The following LHX3 variants were observed in gnomAD, a reference collection of about 807,000 sequenced individuals.
LHX3 encodes LIM homeobox 3, also known as LIM/homeobox protein Lhx3.
A neutral mutation model predicts 32.4 loss-of-function variants in LHX3; 21 were observed. That is an observed-to-expected ratio of 0.65 (90% confidence interval 0.46 to 0.93). The LOEUF is 0.93. Ranked by LOEUF, LHX3 falls within the 40% of genes least tolerant of loss-of-function variation. LHX3 has a pLI of 0.00. For synonymous variants in LHX3, 258 were observed against 246.8 expected (o/e 1.05, Z -0.43); for missense variants, 626 against 560.0 (o/e 1.12, Z -1.19).
chr9:136,198,856 T>C (rs1831562232), intron 4 of LHX3, 36 bp from the exon 5 acceptor site: 2 of 1,595,664 alleles, frequency 1.3e-6, no homozygotes, highest in Non-Finnish European at 1.7e-6. Flanking sequence ...CGCCCGGCTC[T>C]GCGGGGGCCC....
chr9:136,198,776 C>A lies in LHX3; in HGVS notation c.651G>T (p.Lys217Asn). The part of the protein sequence containing the change: ...NRRAKEKRLK[K>N]DAGRQRWGQY... ...GCCCCCAGCGCTGCCGGCCGGCGTC[C>A]TTCTTCAGCCTCTTCTCCTTGGCCC... The change falls in exon 5 of 6, where the codon AAG becomes AAT. Residue 217 changes from lysine (K) to asparagine (N), a missense_variant. By Grantham distance (94) the Lys-to-Asn change is moderately conservative. Transcript: ENST00000371748. 1 of 1,610,868 alleles carries A rather than the reference C, an allele frequency of 6.2e-7. No homozygotes were observed. Among genetic ancestry groups the A allele is most frequent in the Non-Finnish European group, 8.5e-7 (1 of 1,179,690 alleles).
At chr9:136,203,313 C>T (rs2131040369) in intron 1 of LHX3, 1 of 230,180 alleles carries the variant, frequency 4.3e-6, no homozygotes, top group East Asian at 1.8e-4. Context: ...CTGCGGTGCC[C>T]AGAGGCCGCC....
Position 136,198,802 on chromosome 9 carries a change from G to T in LHX3, c.625C>A (p.Arg209=). 1.2e-6 allele frequency: 2 copies of T among 1,609,030 alleles called. No homozygotes were observed. The highest frequency in any genetic ancestry group is 2.7e-5 in the African/African-American group (2 of 74,954). ...TTCTTCAGCCTCTTCTCCTTGGCCC[G>T]GCGGTTCTGGAACCAAACCTGGGGG... ...RVVQVWFQNR[R]AKEKRLKKDA... is the part of the protein sequence containing the mutation. The change falls in exon 5 of 6, where the codon CGG becomes AGG. Residue 209 remains arginine, a synonymous_variant. Coordinates refer to ENST00000371748, the MANE Select transcript of LHX3 (RefSeq NM_178138.6).
chr9:136,200,688 G>A lies in LHX3; in HGVS notation c.145C>T (p.Arg49Cys), dbSNP rs781049722. 1.5e-5 allele frequency: 25 copies of A among 1,613,460 alleles called. 1 individual carries two copies. Among genetic ancestry groups the A allele is most frequent in the Admixed American group, 3.3e-5 (2 of 60,012 alleles). The change falls in exon 2 of 6, where the codon CGC (arginine) becomes TGC (cysteine). Residue 49 changes from arginine (R) to cysteine (C), a missense_variant. Arg to Cys is a radical substitution (Grantham distance 180, BLOSUM62 -3). Transcript: ENST00000371748. ...TTGAGACACTTGCTGTGCCAGTGGCGGTCCAGAGCCTTGAGGATGAAGCGG... is the reference window on the plus strand; with the variant it reads ...TTGAGACACTTGCTGTGCCAGTGGCAGTCCAGAGCCTTGAGGATGAAGCGG... ...LDRFILKALD[R>C]HWHSKCLKCS... is the part of the protein sequence containing the mutation.
Position 136,196,984 on chromosome 9 carries a change from G to A in LHX3, c.*341C>T, listed in dbSNP as rs988814254. ...AGATGAAAGCGTTTTTCCAGCCCTC[G>A]GGCTATGCTGGGCTGGGCTGGGCCT... On this transcript the variant is annotated 3_prime_UTR_variant, in exon 6 of 6. Coordinates refer to ENST00000371748, the MANE Select transcript of LHX3 (RefSeq NM_178138.6). 8 of 381,828 alleles carry A rather than the reference G, an allele frequency of 2.1e-5. No individual in the cohort carries two copies. The highest frequency in any genetic ancestry group is 1.4e-4 in the African/African-American group (7 of 48,468). The allele number at this position is 381,828 out of a possible 1,614,324, so 23.7% of individuals were successfully genotyped here.
At chr9:136,204,064 G>C (rs985963047) in intron 1 of LHX3, among the ~76,000 whole-genome samples, 6 of 152,240 alleles carry the variant, frequency 3.9e-5, no homozygotes, top group African/African-American at 1.4e-4. Flanking sequence ...CACAGGAAGG[G>C]TTGGGGGACC....
Position 136,198,980 on chromosome 9 carries a change from G to A in LHX3, c.534C>T (p.Thr178=), listed in dbSNP as rs564712080. 45 of 1,593,872 alleles carry A rather than the reference G, an allele frequency of 2.8e-5. 1 individual carries two copies. The Admixed American group carries it at 5.9e-4, about 21-fold the overall frequency. ...QLETLKSAYN[T]SPKPARHVRE... ...GCACGTGGCGCGCCGGCTTGGGCGA[G>A]GTGTTGTAAGCGCTCTTCAGCGTCT... The change falls in exon 4 of 6, where the codon ACC becomes ACT. Residue 178 remains threonine (T), a synonymous_variant. Transcript: ENST00000371748.
chr9:136,203,728 C>T (rs1490868438), intron 1 of LHX3, among the ~76,000 whole-genome samples: 2 of 152,346 alleles, frequency 1.3e-5, no homozygotes, highest in African/African-American at 4.8e-5. Flanking sequence ...GCTCTGTGTC[C>T]TGGACACGCA....
chr9:136,201,993 C>T (rs1831650913), intron 1 of LHX3, among the ~76,000 whole-genome samples: 1 of 151,924 alleles, frequency 6.6e-6, no homozygotes, highest in Admixed American at 6.6e-5. Flanking sequence ...CAGCCCACCC[C>T]GCGCCGCGCC....
intron 3 of LHX3, 152 bp downstream of exon 3, chr9:136,199,526 C>A (rs1201645098): frequency 1.7e-5 from 14 of 835,204 alleles, no homozygotes; most frequent in South Asian, 1.1e-4. Flanking sequence ...CCGCCGTTCC[C>A]GGCCTCGGCT....
chr9:136,200,921 C>T (rs992913893), intron 1 of LHX3, among the ~76,000 whole-genome samples, 168 bp from the exon 2 acceptor site: 1 of 152,204 alleles, frequency 6.6e-6, no homozygotes, highest in East Asian at 1.9e-4. Flanking sequence ...AGTGGCCCCG[C>T]AAGTTCCGGG....
At chr9:136,201,812 G>A in intron 1 of LHX3, 1 of 628,054 alleles carries the variant, frequency 1.6e-6, no homozygotes, top group Non-Finnish European at 2.0e-6. Context: ...GCGGAGCGTC[G>A]AGGACCCGCT....
chr9:136,204,819 C>G, intron 1 of LHX3, 115 bp downstream of exon 1: 1 of 859,772 alleles, frequency 1.2e-6, no homozygotes. Flanking sequence ...TCTCTGTGTC[C>G]CGCCTGCAGA....
At chr9:136,200,963 C>G (rs954898888) in intron 1 of LHX3, among the ~76,000 whole-genome samples, 5 of 152,170 alleles carry the variant, frequency 3.3e-5, no homozygotes, top group Admixed American at 2.0e-4. Context: ...ATGTCAGGAG[C>G]TAAGGGGAAA....
rs756648253 is a variant in LHX3 at position 136,197,623 on chromosome 9, C to A, written c.896G>T (p.Gly299Val). The A allele has an allele frequency of 6.4e-7, 1 of 1,573,610 alleles. No individual in the cohort carries two copies. Among genetic ancestry groups the A allele is most frequent in the Non-Finnish European group, 8.6e-7 (1 of 1,161,086 alleles). Residue 299 changes from glycine (G) to valine (V), a missense_variant, in exon 6 of 6, where the codon GGC (glycine) becomes GTC (valine). Coordinates refer to ENST00000371748, the MANE Select transcript of LHX3 (RefSeq NM_178138.6). ...ALGNFSLEHG[G>V]LAGPEQYREL... ...TCGGTACTGCTCTGGGCCTGCCAGG[C>A]CTCCATGCTCCAGGGAGAAGTTGCC...
At position 136,198,626 on chromosome 9, in the gene LHX3, C is replaced by A. The variant is rs1182285756; in HGVS notation, c.775+26G>T. 13 of 1,560,154 alleles carry A rather than the reference C, an allele frequency of 8.3e-6. No homozygotes were observed. In the Middle Eastern group the frequency reaches 7.3e-4, roughly 88 times the overall value. ...CCCGCCGACGCGCGCTCGTCCCCCCCCGAGCTCCGCGATCCCTCCGCCTAC... is the reference window on the plus strand; with the variant it reads ...CCCGCCGACGCGCGCTCGTCCCCCCACGAGCTCCGCGATCCCTCCGCCTAC... On this transcript the variant is annotated intron_variant, in intron 5 of 5. Transcript: ENST00000371748.
At chr9:136,203,299 G>T (rs1831692088) in intron 1 of LHX3, 1 of 297,572 alleles carries the variant, frequency 3.4e-6, no homozygotes, top group African/African-American at 2.3e-5. Flanking sequence ...CTTTGCGCCG[G>T]GACCTGCGGT....
At chr9:136,197,956 T>C (rs1392164137) in intron 5 of LHX3, among the ~76,000 whole-genome samples, 1 of 152,144 alleles carries the variant, frequency 6.6e-6, no homozygotes, top group Non-Finnish European at 1.5e-5. Context: ...GTCTCAGGCC[T>C]GGTGGGATCA....
chr9:136,199,745 G>T lies in LHX3; in HGVS notation c.387C>A (p.Asp129Glu). ...GGCTGTCCTCCATGAGGTAGAACTC[G>T]TCGCCCGTGGCCAGCTGCCGCTTGC... The part of the protein sequence containing the change: ...VVCKRQLATG[D>E]EFYLMEDSRL... Residue 129 changes from aspartate to glutamate, a missense_variant, in exon 3 of 6, where the codon GAC becomes GAA. Asp to Glu is a conservative substitution (Grantham distance 45, BLOSUM62 2). Transcript: ENST00000371748. 1 of 1,612,900 alleles carries T rather than the reference G, an allele frequency of 6.2e-7. No individual in the cohort carries two copies. Among genetic ancestry groups the T allele is most frequent in the Non-Finnish European group, 8.5e-7 (1 of 1,179,932 alleles).
Sources: gnomAD v4.1 joint callset for allele counts (sites outside exome capture counted in the v4.1 genomes callset) on GRCh38, gnomAD v4.1.1 for gene constraint, MANE v1.5 for transcripts, NCBI Gene and HGNC (gene_info 2026-07-23, HGNC 2026-07-21) for gene names.